The following RAC1 variants were observed in gnomAD, a reference collection of about 807,000 sequenced individuals.
The protein encoded by RAC1 is ras-related C3 botulinum toxin substrate 1.
In RAC1, 2 loss-of-function variants were observed where a neutral mutation model predicts 25.2. That is an observed-to-expected ratio of 0.08 (90% CI 0.03 to 0.25). The LOEUF (loss-of-function observed/expected upper bound fraction) is 0.25. Among genes scored for constraint, RAC1 ranks in the 10% least tolerant of loss-of-function variants. The probability of loss-of-function intolerance (pLI) is 1.00; values close to 1 mark genes in which losing one functional copy is unlikely to be tolerated. For missense variants in RAC1, 50 were observed against 235.7 expected (o/e 0.21, Z 5.16); for synonymous variants, 88 against 94.0 (o/e 0.94, Z 0.37).
At chr7:6,392,338 A>G (rs534734891) in intron 3 of RAC1, among the ~76,000 whole-genome samples, 7 of 152,304 alleles carry the variant, frequency 4.6e-5, no homozygotes, top group Non-Finnish European at 1.0e-4. Context: ...TTTAACACCA[A>G]TTAGTTTGAA....
chr7:6,387,001 A>G (rs897359486), intron 1 of RAC1, among the ~76,000 whole-genome samples: 4 of 151,758 alleles, frequency 2.6e-5, no homozygotes, highest in South Asian at 2.1e-4. Context: ...TCCTGACTCT[A>G]TCTTTCTGAG....
intron 4 of RAC1, 185 bp from the exon 5 acceptor site, chr7:6,401,683 G>A: frequency 1.9e-6 from 1 of 517,880 alleles, no homozygotes; most frequent in Non-Finnish European, 3.4e-6. Context: ...GCTTGCTAAT[G>A]GAACACCTGA....
At chr7:6,400,252 A>AAAAT (rs1783359009) in intron 4 of RAC1, 64 bp downstream of exon 4, 6 of 1,425,238 alleles carry the variant, frequency 4.2e-6, no homozygotes, top group Non-Finnish European at 5.9e-6. Flanking sequence ...TAAATACTTT[A>AAAAT]AAATATCACT....
At position 6,403,719 on chromosome 7, in the gene RAC1, G is replaced by A. The variant is rs936849545; in HGVS notation, c.*1273G>A. 1.5e-4 allele frequency: 31 copies of A among 209,094 alleles called. No homozygotes were observed. Among genetic ancestry groups the A allele is most frequent in the African/African-American group, 6.8e-4 (30 of 44,040 alleles). The allele number at this position is 209,094 out of a possible 1,614,324, so 13.0% of individuals were successfully genotyped here. The stretch of plus-strand genomic sequence containing the variant: ...CTTTACCTCGCCCACGCGGACACAC[G>A]CCTCCTGTAGTCGCTTTGCCTATTG... On this transcript the variant is annotated 3_prime_UTR_variant, in exon 6 of 6. Coordinates refer to ENST00000348035, the MANE Select transcript of RAC1 (RefSeq NM_006908.5).
At chr7:6,382,431 A>G (rs1257589274) in intron 1 of RAC1, among the ~76,000 whole-genome samples, 1 of 152,084 alleles carries the variant, frequency 6.6e-6, no homozygotes, top group Admixed American at 6.6e-5. Context: ...TTATTTTTTG[A>G]GCTTCTTGGA....
chr7:6,395,447 T>TA (rs1374452190), intron 3 of RAC1, among the ~76,000 whole-genome samples: 22 of 152,228 alleles, frequency 1.4e-4, no homozygotes, highest in African/African-American at 4.8e-4. Context: ...CTAGAGTTGT[T>TA]ACTCTTCGCC....
chr7:6,391,449 T>A (rs1303013867), intron 2 of RAC1: 1 of 157,602 alleles, frequency 6.3e-6, no homozygotes, highest in East Asian at 1.8e-4. Context: ...TTGGGAGGCT[T>A]GTTAAGTCAG....
chr7:6,374,899 T>A, intron 1 of RAC1, 129 bp downstream of exon 1: 1 of 762,274 alleles, frequency 1.3e-6, no homozygotes, highest in Non-Finnish European at 1.6e-6. Context: ...TGGGCCTGTG[T>A]CGCGGGGCGG....
At position 6,380,520 on chromosome 7, in the gene RAC1, C is replaced by T. The variant is rs1782734916; in HGVS notation, c.35+5750C>T. Among the ~76,000 whole-genome samples the T allele has an allele frequency of 3.9e-5, 6 of 152,276 alleles. No homozygotes were observed. In the South Asian group the frequency reaches 1.2e-3, roughly 32 times the overall value. ...TAACTTTCTGTCTTTTTGCATTAGT[C>T]ATCTGATACCTTAGTACTGCCTACT... On this transcript the variant is annotated intron_variant, in intron 1 of 5. Transcript: ENST00000348035.
chr7:6,402,144 T>C, intron 5 of RAC1, 117 bp downstream of exon 5: 1 of 1,440,434 alleles, frequency 6.9e-7, no homozygotes, highest in Non-Finnish European at 9.4e-7. Context: ...GGTGTACTCT[T>C]GGGGAACCAG....
intron 1 of RAC1, among the ~76,000 whole-genome samples, chr7:6,380,207 T>C (rs924058624): frequency 1.3e-5 from 2 of 149,908 alleles, no homozygotes; most frequent in South Asian, 2.1e-4. Flanking sequence ...TTCAGCTGTT[T>C]TGTGTGTTTT....
At chr7:6,400,095 CTAAA>C in intron 3 of RAC1, 27 bp from the exon 4 acceptor site, 3 of 1,578,350 alleles carry the variant, frequency 1.9e-6, no homozygotes, top group Non-Finnish European at 2.6e-6. Flanking sequence ...AGGTTGTTGT[CTAAA>C]TGTTTCCCTG....
intron 3 of RAC1, among the ~76,000 whole-genome samples, chr7:6,396,526 A>G (rs540852271): frequency 6.6e-6 from 1 of 152,252 alleles, no homozygotes; most frequent in South Asian, 2.1e-4. Context: ...TCTCCATCAA[A>G]AAAGAGGCTC....
intron 1 of RAC1, among the ~76,000 whole-genome samples, chr7:6,376,672 G>GTTTTTTTTTT (rs71008385): frequency 2.2e-4 from 22 of 99,942 alleles, no homozygotes; most frequent in Non-Finnish European, 3.2e-4. Flanking sequence ...CAGCTAATTT[G>GTTTTTTTTTT]TTTTTTTTTT....
chr7:6,394,930 C>T (rs570282231), intron 3 of RAC1, among the ~76,000 whole-genome samples: 1 of 152,190 alleles, frequency 6.6e-6, no homozygotes, highest in Non-Finnish European at 1.5e-5. Context: ...TCTTGGCTCA[C>T]TGCAAGCTTC....
chr7:6,395,063 C>T (rs1476860180), intron 3 of RAC1, among the ~76,000 whole-genome samples: 2 of 152,060 alleles, frequency 1.3e-5, no homozygotes, highest in Non-Finnish European at 2.9e-5. Context: ...ACCATGTTAG[C>T]CAGGATGGTC....
At chr7:6,384,480 C>G (rs1007892341) in intron 1 of RAC1, among the ~76,000 whole-genome samples, 19 of 152,280 alleles carry the variant, frequency 1.2e-4, no homozygotes, top group African/African-American at 3.6e-4. Context: ...CCACTGCCCA[C>G]TTATTTTTTT....
chr7:6,392,092 G>C, intron 3 of RAC1, 51 bp downstream of exon 3: 2 of 1,609,728 alleles, frequency 1.2e-6, no homozygotes, highest in East Asian at 4.5e-5. Context: ...TATAATTCTC[G>C]AGCGCTTAAT....
chr7:6,400,178 T>C lies in RAC1; in HGVS notation c.278T>C (p.Val93Ala). ...GTGAGTCCTGCATCATTTGAAAATG[T>C]CCGTGCAAAGGTAGGTGGGGATTTA... ...SLVSPASFEN[V>A]RAKWYPEVRH... The change falls in exon 4 of 6, where the codon GTC becomes GCC. Residue 93 changes from valine (V) to alanine (A), a missense_variant. By Grantham distance (64) the Val-to-Ala change is moderately conservative (BLOSUM62 0). Coordinates refer to ENST00000348035, the MANE Select transcript of RAC1 (RefSeq NM_006908.5). 6.2e-7 allele frequency: 1 copy of C among 1,609,676 alleles called. No homozygotes were observed. The highest frequency in any genetic ancestry group is 8.5e-7 in the Non-Finnish European group (1 of 1,177,354).
Sources: allele counts gnomAD v4.1 joint callset (sites outside exome capture counted in the v4.1 genomes callset), GRCh38; gene constraint gnomAD v4.1.1; transcripts MANE v1.5; gene names NCBI Gene and HGNC (gene_info 2026-07-23, HGNC 2026-07-21).